The following SCHIP1 variants were observed in gnomAD, a reference collection of about 807,000 sequenced individuals.
SCHIP1 encodes the protein schwannomin-interacting protein 1.
In SCHIP1, 8 loss-of-function variants were observed where a neutral mutation model predicts 29.7. The ratio of observed to expected loss-of-function variants is 0.27; its 90% CI spans 0.16 to 0.49. The LOEUF (loss-of-function observed/expected upper bound fraction) is 0.49, where lower values mean the gene tolerates loss of function less well. Ranked by LOEUF, SCHIP1 falls within the 20% of genes least tolerant of loss-of-function variation. The pLI is 0.99. For synonymous variants in SCHIP1, 76 were observed against 94.9 expected (o/e 0.80, Z 1.16); for missense variants, 193 against 294.6 (o/e 0.66, Z 2.52).
chr3:159,815,937 C>CTATTTATTCATTTATT, the SCHIP1 span, among the ~76,000 whole-genome samples: 1 of 147,444 alleles, frequency 6.8e-6, no homozygotes, highest in African/African-American at 2.5e-5. Context: ...GCCTCTGGTC[C>CTATTTATTCATTTATT]TATTTATTTA....
the SCHIP1 span, among the ~76,000 whole-genome samples, chr3:159,691,416 C>CTTTTTT: frequency 9.4e-5 from 10 of 106,694 alleles, no homozygotes; most frequent in Non-Finnish European, 1.5e-4. Context: ...GCAACCCCTG[C>CTTTTTT]TTTTTTTTTT....
At chr3:159,406,247 C>A in the SCHIP1 span, among the ~76,000 whole-genome samples, 3 of 152,210 alleles carry the variant, frequency 2.0e-5, no homozygotes, top group South Asian at 4.1e-4. Flanking sequence ...GAATAACATA[C>A]AACGAGCTCC....
the SCHIP1 span, among the ~76,000 whole-genome samples, chr3:159,381,425 AG>A: frequency 6.6e-6 from 1 of 152,308 alleles, no homozygotes; most frequent in East Asian, 1.9e-4. Flanking sequence ...TATTTAGTTT[AG>A]GCCAAAAAAC....
the SCHIP1 span, among the ~76,000 whole-genome samples, chr3:159,714,668 A>C: frequency 1.2e-4 from 18 of 152,232 alleles, no homozygotes; most frequent in Non-Finnish European, 2.4e-4. Context: ...GTCTGAGACC[A>C]AACTGCAAGG....
chr3:159,816,861 A>C, the SCHIP1 span, among the ~76,000 whole-genome samples: 38 of 138,752 alleles, frequency 2.7e-4, no homozygotes, highest in Admixed American at 1.4e-3. Context: ...TGTCCACTCT[A>C]TCTCTTTCTT....
At chr3:159,376,386 A>C in the SCHIP1 span, among the ~76,000 whole-genome samples, 1 of 152,316 alleles carries the variant, frequency 6.6e-6, no homozygotes, top group East Asian at 1.9e-4. Context: ...ACCATTGTTT[A>C]GCTTTTGCCT....
chr3:159,891,046 A>G (rs966530383), intron 5 of SCHIP1, among the ~76,000 whole-genome samples: 5 of 152,100 alleles, frequency 3.3e-5, no homozygotes, highest in Admixed American at 2.0e-4. Context: ...CAGGAGCCCA[A>G]TTAACCCAGT....
At chr3:159,424,477 G>A in the SCHIP1 span, among the ~76,000 whole-genome samples, 42 of 152,014 alleles carry the variant, frequency 2.8e-4, no homozygotes, top group African/African-American at 9.4e-4. Flanking sequence ...AAGTGAGAAG[G>A]GAAGTTTAGA....
intron 2 of SCHIP1, among the ~76,000 whole-genome samples, chr3:159,871,443 G>A (rs1715274742): frequency 6.6e-6 from 1 of 151,988 alleles, no homozygotes; most frequent in African/African-American, 2.4e-5. Flanking sequence ...TAAAATATAA[G>A]CTCTAAGAGA....
chr3:159,365,955 A>G, the SCHIP1 span, among the ~76,000 whole-genome samples: 1 of 152,118 alleles, frequency 6.6e-6, no homozygotes, highest in Non-Finnish European at 1.5e-5. Context: ...TATTAATGAA[A>G]ATCAGTTGTA....
chr3:159,633,033 C>T, the SCHIP1 span, among the ~76,000 whole-genome samples: 1 of 152,178 alleles, frequency 6.6e-6, no homozygotes, highest in African/African-American at 2.4e-5. Flanking sequence ...TCTCCTAGGT[C>T]TGAGAAAACT....
chr3:159,492,453 T>C, the SCHIP1 span, among the ~76,000 whole-genome samples: 2 of 152,142 alleles, frequency 1.3e-5, no homozygotes, highest in East Asian at 3.9e-4. Flanking sequence ...ACGTGACGAA[T>C]GCACAAGCCT....
At chr3:159,509,016 A>G in the SCHIP1 span, among the ~76,000 whole-genome samples, 7 of 152,188 alleles carry the variant, frequency 4.6e-5, 1 homozygote, top group East Asian at 1.9e-4. Context: ...CAATTCCTGG[A>G]TATCCTTGTT....
At chr3:159,571,249 T>G in the SCHIP1 span, among the ~76,000 whole-genome samples, 2 of 152,178 alleles carry the variant, frequency 1.3e-5, no homozygotes, top group Admixed American at 6.5e-5. Context: ...TTTTGCCCAT[T>G]CAGTATATTG....
chr3:159,696,054 C>T, the SCHIP1 span, among the ~76,000 whole-genome samples: 4 of 152,184 alleles, frequency 2.6e-5, no homozygotes, highest in Admixed American at 2.6e-4. Context: ...CACTGGTACC[C>T]ATCAAATTCA....
chr3:159,273,529 G>A, the SCHIP1 span: 1 of 1,192,288 alleles, frequency 8.4e-7, no homozygotes, highest in East Asian at 4.3e-5. Context: ...TTCTCTGTGT[G>A]TTTTATCAAT....
chr3:159,321,327 C>G, the SCHIP1 span, among the ~76,000 whole-genome samples: 1 of 152,144 alleles, frequency 6.6e-6, no homozygotes, highest in Non-Finnish European at 1.5e-5. Flanking sequence ...GCGTCCTCAA[C>G]GAGAAGTTTC....
At chr3:159,770,007 G>T in the SCHIP1 span, among the ~76,000 whole-genome samples, 3 of 152,176 alleles carry the variant, frequency 2.0e-5, no homozygotes, top group South Asian at 2.1e-4. Context: ...CTATGTTATA[G>T]ATTAGTTTAT....
chr3:159,416,641 A>G, the SCHIP1 span, among the ~76,000 whole-genome samples: 1 of 152,218 alleles, frequency 6.6e-6, no homozygotes, highest in Non-Finnish European at 1.5e-5. Context: ...ACATTCAATA[A>G]TTCATCAACA....
Sources: allele counts gnomAD v4.1 joint callset (sites outside exome capture counted in the v4.1 genomes callset), GRCh38; gene constraint gnomAD v4.1.1; transcripts MANE v1.5; gene names NCBI Gene and HGNC (gene_info 2026-07-23, HGNC 2026-07-21).